Variants in HSPA4L observed in about 807,000 individuals in gnomAD.
HSPA4L encodes the protein heat shock protein family A (Hsp70) member 4 like, also known as heat shock 70 kDa protein 4L.
A neutral mutation model predicts 100.3 loss-of-function variants in HSPA4L; 48 were observed. That is an observed-to-expected ratio of 0.48 (90% CI 0.38 to 0.61). The LOEUF (loss-of-function observed/expected upper bound fraction) is 0.61, where lower values mean the gene tolerates loss of function less well. Ranked by LOEUF, HSPA4L falls within the 20% of genes least tolerant of loss-of-function variation. The pLI is 0.00. For synonymous variants in HSPA4L, 319 were observed against 328.2 expected (o/e 0.97, Z 0.30); for missense variants, 886 against 988.6 (o/e 0.90, Z 1.39).
intron 8 of HSPA4L, among the ~76,000 whole-genome samples, chr4:127,804,787 G>T (rs571892918): frequency 2.6e-5 from 4 of 152,004 alleles, no homozygotes; most frequent in African/African-American, 2.4e-5. Flanking sequence ...GATTTAGGAG[G>T]TAGAAATAAG....
At chr4:127,800,822 GT>G (rs921213240) in intron 4 of HSPA4L, among the ~76,000 whole-genome samples, 4 of 151,932 alleles carry the variant, frequency 2.6e-5, no homozygotes, top group Non-Finnish European at 5.9e-5. Flanking sequence ...AGACTCTTGA[GT>G]TTTCAGTTTT....
At chr4:127,801,482 T>TG (rs1733179249) in intron 5 of HSPA4L, among the ~76,000 whole-genome samples, 2 of 150,680 alleles carry the variant, frequency 1.3e-5, no homozygotes, top group Non-Finnish European at 3.0e-5. Flanking sequence ...TGTGTGTGTG[T>TG]GTGTGTGTGT....
intron 13 of HSPA4L, among the ~76,000 whole-genome samples, chr4:127,818,682 T>C (rs1733735954): frequency 6.6e-6 from 1 of 151,970 alleles, no homozygotes. Flanking sequence ...TTTCATCTCA[T>C]GAGAACACAC....
chr4:127,809,585 T>A, intron 11 of HSPA4L: 1 of 654,538 alleles, frequency 1.5e-6, no homozygotes, highest in South Asian at 1.7e-5. Flanking sequence ...AACTTTGATA[T>A]TTTTTGTTTG....
At chr4:127,820,374 A>T in intron 13 of HSPA4L, 54 bp from the exon 14 acceptor site, 2 of 1,472,266 alleles carry the variant, frequency 1.4e-6, no homozygotes, top group Non-Finnish European at 1.8e-6. Flanking sequence ...TTTACCTCTT[A>T]AATCTATTTT....
chr4:127,812,054 T>C (rs1733545266), intron 12 of HSPA4L, among the ~76,000 whole-genome samples: 1 of 152,112 alleles, frequency 6.6e-6, no homozygotes, highest in African/African-American at 2.4e-5. Context: ...TTTCAGGGTT[T>C]ATTTGGGGGA....
chr4:127,793,026 G>A (rs866264604), intron 1 of HSPA4L, among the ~76,000 whole-genome samples: 1 of 152,182 alleles, frequency 6.6e-6, no homozygotes, highest in Non-Finnish European at 1.5e-5. Flanking sequence ...ACTGGACCAT[G>A]AAAGGCCTTA....
chr4:127,798,687 C>A lies in HSPA4L; in HGVS notation c.407C>A (p.Pro136Gln). The A allele has an allele frequency of 6.2e-7, 1 of 1,613,524 alleles. No individual in the cohort carries two copies. The highest frequency in any genetic ancestry group is 1.1e-5 in the South Asian group (1 of 91,052). Reference protein sequence around the residue: ...KETSENALKKPVADCVISIPS... With the variant: ...KETSENALKKQVADCVISIPS... ...ACTTCAGAAAATGCTTTGAAGAAAC[C>A]AGTGGCTGACTGTGTGATTTCAGTA... Residue 136 changes from proline to glutamine, a missense_variant, in exon 4 of 19, where the codon CCA becomes CAA. Physicochemically the swap from Pro to Gln is moderately conservative, Grantham distance 76 (BLOSUM62 -1). Coordinates refer to ENST00000296464, the MANE Select transcript of HSPA4L (RefSeq NM_014278.4).
intron 10 of HSPA4L, among the ~76,000 whole-genome samples, chr4:127,806,450 A>G (rs547198281): frequency 1.3e-3 from 198 of 152,106 alleles, no homozygotes; most frequent in African/African-American, 4.6e-3. Flanking sequence ...ATTTTGAGTA[A>G]TATTTGCAAA....
intron 12 of HSPA4L, among the ~76,000 whole-genome samples, chr4:127,814,543 C>A (rs1198827853): frequency 6.6e-6 from 1 of 151,842 alleles, no homozygotes; most frequent in Non-Finnish European, 1.5e-5. Context: ...ATGCTGAATA[C>A]ACTGTGTTGA....
chr4:127,815,554 A>T (rs1340858136), intron 12 of HSPA4L, among the ~76,000 whole-genome samples: 1 of 152,042 alleles, frequency 6.6e-6, no homozygotes, highest in Non-Finnish European at 1.5e-5. Context: ...CAAAGAAACT[A>T]TATGCTATTC....
At chr4:127,824,542 G>A (rs1733895302) in intron 16 of HSPA4L, among the ~76,000 whole-genome samples, 1 of 152,174 alleles carries the variant, frequency 6.6e-6, no homozygotes, top group Admixed American at 6.5e-5. Flanking sequence ...TGATCAGAGT[G>A]TTACTTTTGC....
chr4:127,797,209 T>C (rs935655266), intron 3 of HSPA4L, among the ~76,000 whole-genome samples: 1 of 152,150 alleles, frequency 6.6e-6, no homozygotes, highest in African/African-American at 2.4e-5. Flanking sequence ...TGGGTTATGA[T>C]AGTAACAACT....
chr4:127,789,819 T>G (rs769970790), intron 1 of HSPA4L, among the ~76,000 whole-genome samples: 102 of 152,340 alleles, frequency 6.7e-4, no homozygotes, highest in Middle Eastern at 3.4e-3. Context: ...ATAATGTGTC[T>G]GTTTCCCTTG....
At chr4:127,814,606 C>T (rs547257666) in intron 12 of HSPA4L, among the ~76,000 whole-genome samples, 9 of 151,924 alleles carry the variant, frequency 5.9e-5, no homozygotes, top group Admixed American at 1.3e-4. Flanking sequence ...CTCGCTCTGT[C>T]GCCCAGGCTG....
At chr4:127,782,311 G>C (rs111362781), upstream of HSPA4L, 163 of 502,426 alleles carry the variant, frequency 3.2e-4, 2 homozygotes, top group African/African-American at 3.0e-3. Flanking sequence ...GGTTGGAGGC[G>C]GCCGAACCGC....
intron 6 of HSPA4L, among the ~76,000 whole-genome samples, chr4:127,802,657 G>A (rs1262872169): frequency 6.6e-6 from 1 of 152,006 alleles, no homozygotes; most frequent in Non-Finnish European, 1.5e-5. Context: ...AGTGAAATAC[G>A]ATTTTTAGAT....
chr4:127,829,815 A>T (rs1487777543), intron 17 of HSPA4L, among the ~76,000 whole-genome samples: 4 of 151,660 alleles, frequency 2.6e-5, no homozygotes, highest in Non-Finnish European at 5.9e-5. Context: ...ATGAATGAGG[A>T]TGAACTGGCA....
At chr4:127,802,884 C>G (rs546794644) in intron 6 of HSPA4L, among the ~76,000 whole-genome samples, 1 of 152,244 alleles carries the variant, frequency 6.6e-6, no homozygotes, top group African/African-American at 2.4e-5. Flanking sequence ...TACTACCACC[C>G]CACCACCCAC....
Sources: allele counts gnomAD v4.1 joint callset (sites outside exome capture counted in the v4.1 genomes callset), GRCh38; gene constraint gnomAD v4.1.1; transcripts MANE v1.5; gene names NCBI Gene and HGNC (gene_info 2026-07-23, HGNC 2026-07-21).